REL: variants seen among roughly 807,000 people sequenced by gnomAD.
REL encodes proto-oncogene c-Rel.
REL carries 15 observed loss-of-function variants against 45.9 expected under a neutral mutation model. The ratio of observed to expected loss-of-function variants is 0.33; its 90% CI spans 0.22 to 0.50. The LOEUF (loss-of-function observed/expected upper bound fraction) is 0.50. Ranked by LOEUF, REL falls within the 20% of genes least tolerant of loss-of-function variation. The probability of loss-of-function intolerance (pLI) is 0.98; values close to 1 mark genes in which losing one functional copy is unlikely to be tolerated. For missense variants in REL, 601 were observed against 715.2 expected (o/e 0.84, Z 1.82); for synonymous variants, 239 against 242.1 (o/e 0.99, Z 0.12).
rs1674245916 is a variant in REL at position 60,925,428 on chromosome 2, G to C, written c.*2893G>C. The C allele has an allele frequency of 5.4e-6, 1 of 186,668 alleles. No homozygotes were observed. The highest frequency in any genetic ancestry group is 1.1e-5 in the Non-Finnish European group (1 of 88,534). 11.6% of individuals were successfully genotyped at this position (186,668 alleles called of 1,614,324 possible). A position where few individuals can be genotyped will look rare whatever the true frequency, so the allele number is the denominator to read the frequency against. On this transcript the variant is annotated 3_prime_UTR_variant, in exon 10 of 10. Transcript: ENST00000394479. ...CCCTGAGTACCATTAATATTCCTCA[G>C]AAATTATTATTTCAAAAGGAAATAT...
intron 4 of REL, among the ~76,000 whole-genome samples, chr2:60,915,809 A>G (rs987552052): frequency 4.6e-5 from 7 of 152,160 alleles, no homozygotes; most frequent in East Asian, 3.8e-4. Flanking sequence ...CTATTATACT[A>G]TATTCTATCA....
In REL at chr2:60,924,046, A is replaced by G; in HGVS notation, c.*1511A>G. On this transcript the variant is annotated 3_prime_UTR_variant, in exon 10 of 10. Coordinates refer to ENST00000394479, the MANE Select transcript of REL (RefSeq NM_001291746.2). ...GTGCTCCTCAAAGCATCAAGTATGCACTTGCCTTGGACAGTCTGTACTTGG... is the reference window on the plus strand; with the variant it reads ...GTGCTCCTCAAAGCATCAAGTATGCGCTTGCCTTGGACAGTCTGTACTTGG... 4.3e-6 allele frequency: 1 copy of G among 232,520 alleles called. No individual in the cohort carries two copies. The highest frequency in any genetic ancestry group is 6.1e-5 in the East Asian group (1 of 16,500). 14.4% of individuals were successfully genotyped at this position (232,520 alleles called of 1,614,324 possible).
At chr2:60,882,433 G>C (rs1322761255) in intron 1 of REL, among the ~76,000 whole-genome samples, 3 of 152,188 alleles carry the variant, frequency 2.0e-5, no homozygotes, top group Non-Finnish European at 4.4e-5. Context: ...CCAGCACTTT[G>C]GGAGGCCGAG....
chr2:60,905,002 A>G (rs938389216), intron 4 of REL, among the ~76,000 whole-genome samples: 3 of 152,150 alleles, frequency 2.0e-5, no homozygotes, highest in South Asian at 4.1e-4. Context: ...TAACAACTCT[A>G]CCATGCCGCC....
chr2:60,904,819 G>A (rs1470464544), intron 4 of REL, among the ~76,000 whole-genome samples: 1 of 152,136 alleles, frequency 6.6e-6, no homozygotes, highest in African/African-American at 2.4e-5. Context: ...CAGCCTGGGA[G>A]GTCAAGGCTG....
In REL at chr2:60,918,499, A is replaced by G. The variant is rs1674044949; in HGVS notation, c.746A>G (p.Tyr249Cys). 6.2e-7 allele frequency: 1 copy of G among 1,614,108 alleles called. No homozygotes were observed. Among genetic ancestry groups the G allele is most frequent in the Non-Finnish European group, 8.5e-7 (1 of 1,179,992 alleles). Residue 249 changes from tyrosine (Y) to cysteine (C), a missense_variant, in exon 7 of 10, where the codon TAT (tyrosine) becomes TGT (cysteine). Physicochemically the swap from Tyr to Cys is radical, Grantham distance 194 (BLOSUM62 -2). Around this residue, in one of 4 missense-constraint regions of REL, gnomAD observed 241 missense variants for 347.0 expected, o/e 0.69. Transcript: ENST00000394479. Reference sequence around the variant, plus strand: ...GCCATTGTTTTCAAAACTCCACCATATTGCAAAGCTATCACAGAACCCGTA... The same window carrying G: ...GCCATTGTTTTCAAAACTCCACCATGTTGCAAAGCTATCACAGAACCCGTA... ...QVAIVFKTPPYCKAITEPVTV... is the reference protein window; with the variant it reads ...QVAIVFKTPPCCKAITEPVTV...
In REL at chr2:60,917,025, C is replaced by A; in HGVS notation, c.535+8C>A. ...ACCCAATTTATGACAACCGTAAGTA[C>A]TTCATTTTCTTATATTTGTAGTCTT... On this transcript the variant is annotated splice_region_variant and intron_variant, in intron 5 of 9. Transcript: ENST00000394479. 1 of 1,600,460 alleles carries A rather than the reference C, an allele frequency of 6.2e-7. No homozygotes were observed. The highest frequency in any genetic ancestry group is 8.5e-7 in the Non-Finnish European group (1 of 1,173,686).
At chr2:60,916,856 A>G in intron 4 of REL, 21 bp from the exon 5 acceptor site, 1 of 1,596,674 alleles carries the variant, frequency 6.3e-7, no homozygotes, top group Non-Finnish European at 8.6e-7. Context: ...TACATTTAAA[A>G]AATTTTTTTT....
intron 1 of REL, among the ~76,000 whole-genome samples, chr2:60,884,456 A>G (rs1293063827): frequency 6.6e-6 from 1 of 152,116 alleles, no homozygotes; most frequent in South Asian, 2.1e-4. Context: ...TAAAAAAATT[A>G]CACCTTGATC....
intron 4 of REL, among the ~76,000 whole-genome samples, chr2:60,908,815 T>C (rs895779661): frequency 4.6e-5 from 7 of 152,242 alleles, no homozygotes; most frequent in African/African-American, 9.6e-5. Context: ...TGAGTTGTTA[T>C]GAGAGTAAAA....
In REL at chr2:60,931,430, G is replaced by A. The variant is rs1415479881; in HGVS notation, c.*8895G>A. The stretch of plus-strand genomic sequence containing the variant: ...CTGAAATGAATTTGGAGGCACTGAT[G>A]AAAGTGATTTTTTTAAAGTTCTCAG... On this transcript the variant is annotated 3_prime_UTR_variant, in exon 10 of 10. Transcript: ENST00000394479. 1 of 152,278 alleles carries A rather than the reference G, an allele frequency of 6.6e-6. No individual in the cohort carries two copies. The allele number at this position is 152,278 out of a possible 1,614,324, so 9.4% of individuals were successfully genotyped here.
Position 60,922,257 on chromosome 2 carries a change from T to C in REL, c.1486T>C (p.Leu496=), listed in dbSNP as rs1249293531. The change falls in exon 10 of 10, where the codon TTA becomes CTA. Residue 496 remains leucine (L), a synonymous_variant. Coordinates refer to ENST00000394479, the MANE Select transcript of REL (RefSeq NM_001291746.2). The part of the protein sequence containing the change: ...NLENPSCNSV[L]DPRDLRQLHQ... ...TGAAAACCCCTCATGTAATTCAGTG[T>C]TAGACCCAAGAGACTTGAGACAGCT... 1 of 1,614,210 alleles carries C rather than the reference T, an allele frequency of 6.2e-7. No homozygotes were observed. Among genetic ancestry groups the C allele is most frequent in the East Asian group, 2.2e-5 (1 of 44,880 alleles).
rs1276021089 is a variant in REL at position 60,925,828 on chromosome 2, G to C, written c.*3293G>C. The C allele has an allele frequency of 4.6e-6, 1 of 216,168 alleles. No homozygotes were observed. The highest frequency in any genetic ancestry group is 9.3e-6 in the Non-Finnish European group (1 of 107,126). 13.4% of individuals were successfully genotyped at this position (216,168 alleles called of 1,614,324 possible). On this transcript the variant is annotated 3_prime_UTR_variant, in exon 10 of 10. Transcript: ENST00000394479. Reference sequence around the variant, plus strand: ...ATTAAGCGTTGGCTACTTAGTATAAGTAAGTATAAGCCGAATTAAGGTTCT... The same window carrying C: ...ATTAAGCGTTGGCTACTTAGTATAACTAAGTATAAGCCGAATTAAGGTTCT...
intron 1 of REL, among the ~76,000 whole-genome samples, chr2:60,886,172 G>C (rs184052879): frequency 6.6e-6 from 1 of 152,258 alleles, no homozygotes; most frequent in African/African-American, 2.4e-5. Flanking sequence ...TTTCAGCAAC[G>C]TGTATCTGGG....
At chr2:60,899,783 A>C (rs1222882384) in intron 3 of REL, 1 of 152,316 alleles carries the variant, frequency 6.6e-6, no homozygotes, top group African/African-American at 2.4e-5. Context: ...AGTTCCCCCC[A>C]CCATCGTCTA....
At chr2:60,893,767 C>G (rs1402391341) in intron 2 of REL, among the ~76,000 whole-genome samples, 2 of 152,150 alleles carry the variant, frequency 1.3e-5, no homozygotes, top group African/African-American at 4.8e-5. Flanking sequence ...TTTGTTCTTG[C>G]AACTTTACTA....
At chr2:60,917,740 T>C (rs1387581248) in intron 5 of REL, among the ~76,000 whole-genome samples, 3 of 150,146 alleles carry the variant, frequency 2.0e-5, no homozygotes, top group African/African-American at 7.4e-5. Flanking sequence ...GTACATAGAC[T>C]TAGATATACG....
In REL at chr2:60,927,477, G is replaced by C. The variant is rs1674293976; in HGVS notation, c.*4942G>C. 1 of 229,738 alleles carries C rather than the reference G, an allele frequency of 4.4e-6. No homozygotes were observed. Among genetic ancestry groups the C allele is most frequent in the African/African-American group, 2.2e-5 (1 of 45,208 alleles). 14.2% of individuals were successfully genotyped at this position (229,738 alleles called of 1,614,324 possible). ...ATTATGTAGAAATTCTAAAGTTTTT[G>C]GGATTATTTCATAGCCCTGACCTTG... On this transcript the variant is annotated 3_prime_UTR_variant, in exon 10 of 10. Transcript: ENST00000394479.
chr2:60,913,200 T>TAA (rs1673868949), intron 4 of REL, among the ~76,000 whole-genome samples: 5 of 152,178 alleles, frequency 3.3e-5, no homozygotes, highest in African/African-American at 1.2e-4. Flanking sequence ...TATAGTTACT[T>TAA]TAAATTATAT....
Sources: gnomAD v4.1 joint callset for allele counts (sites outside exome capture counted in the v4.1 genomes callset) on GRCh38, gnomAD v4.1.1 for gene constraint, gnomAD v4.1.1 regional missense constraint, MANE v1.5 for transcripts, NCBI Gene and HGNC (gene_info 2026-07-23, HGNC 2026-07-21) for gene names.